Variants in HS6ST3 observed in about 807,000 individuals in gnomAD.
HS6ST3 encodes heparan-sulfate 6-O-sulfotransferase 3.
HS6ST3 carries 12 observed loss-of-function variants against 36.7 expected under a neutral mutation model. That is an observed-to-expected ratio of 0.33 (90% CI 0.21 to 0.53). The LOEUF is 0.53. HS6ST3 is among the 20% of genes least tolerant of loss of function. The pLI is 0.95. For missense variants in HS6ST3, 584 were observed against 640.9 expected, an observed-to-expected ratio of 0.91 and a Z score of 0.96; for synonymous variants, 240 against 257.5, an observed-to-expected ratio of 0.93 and a Z score of 0.65.
chr13:96,754,458 C>T lies in HS6ST3; in HGVS notation c.708-78032C>T, dbSNP rs981871293. Among the ~76,000 whole-genome samples, 14 of 152,266 alleles carry T rather than the reference C, an allele frequency of 9.2e-5. No individual in the cohort carries two copies. In the East Asian group the frequency reaches 1.2e-3, roughly 13 times the overall value. Reference sequence around the variant, plus strand: ...TTCAGTGCCCTTGGAAGAGCTCACACGCTAATTATCCTTTCTTACACGGAC... The same window carrying T: ...TTCAGTGCCCTTGGAAGAGCTCACATGCTAATTATCCTTTCTTACACGGAC... On this transcript the variant is annotated intron_variant, in intron 1 of 1. Transcript: ENST00000376705.
chr13:96,299,326 T>C (rs963206136), intron 1 of HS6ST3, among the ~76,000 whole-genome samples: 5 of 152,214 alleles, frequency 3.3e-5, no homozygotes, highest in Non-Finnish European at 7.3e-5. Context: ...GCTTTGCACA[T>C]GGCGGAAGCT....
At chr13:96,562,558 A>G (rs926449143) in intron 1 of HS6ST3, among the ~76,000 whole-genome samples, 5 of 152,162 alleles carry the variant, frequency 3.3e-5, no homozygotes, top group African/African-American at 1.2e-4. Flanking sequence ...CATCAGAGAC[A>G]ATATTAATAA....
chr13:96,733,351 A>C (rs1876206533), intron 1 of HS6ST3, among the ~76,000 whole-genome samples: 1 of 152,208 alleles, frequency 6.6e-6, no homozygotes, highest in African/African-American at 2.4e-5. Context: ...AGAATGTTGA[A>C]GTTTGCCAAA....
intron 1 of HS6ST3, among the ~76,000 whole-genome samples, chr13:96,672,030 G>T (rs1336730484): frequency 6.6e-6 from 1 of 152,116 alleles, no homozygotes; most frequent in East Asian, 1.9e-4. Context: ...CTCCCTAACA[G>T]TAGCCACATT....
chr13:96,544,231 A>G (rs1307868325), intron 1 of HS6ST3, among the ~76,000 whole-genome samples: 1 of 152,190 alleles, frequency 6.6e-6, no homozygotes, highest in Admixed American at 6.5e-5. Flanking sequence ...TTGGGGACTA[A>G]CTCACTGACA....
chr13:96,494,420 A>C (rs922698067), intron 1 of HS6ST3, among the ~76,000 whole-genome samples: 2 of 150,980 alleles, frequency 1.3e-5, no homozygotes, highest in Non-Finnish European at 3.0e-5. Context: ...GAGGGATAGC[A>C]TTAGGAGATA....
intron 1 of HS6ST3, among the ~76,000 whole-genome samples, chr13:96,744,448 A>G (rs980827247): frequency 6.6e-6 from 1 of 152,108 alleles, no homozygotes; most frequent in African/African-American, 2.4e-5. Context: ...TATTCAGGAT[A>G]TCAAACAAAA....
At chr13:96,412,162 G>A (rs570883978) in intron 1 of HS6ST3, among the ~76,000 whole-genome samples, 3 of 152,082 alleles carry the variant, frequency 2.0e-5, no homozygotes, top group South Asian at 2.1e-4. Context: ...GCACCACCAC[G>A]CCCAGCTAAT....
At chr13:96,732,352 A>G (rs559192540) in intron 1 of HS6ST3, among the ~76,000 whole-genome samples, 14 of 152,272 alleles carry the variant, frequency 9.2e-5, no homozygotes, top group Non-Finnish European at 1.9e-4. Flanking sequence ...ATTTTTGTAT[A>G]TGGTGTGATA....
intron 1 of HS6ST3, among the ~76,000 whole-genome samples, chr13:96,128,073 T>C (rs1325215436): frequency 6.6e-6 from 1 of 152,212 alleles, no homozygotes; most frequent in Non-Finnish European, 1.5e-5. Flanking sequence ...TTGCTTCTGT[T>C]GTACACTTAT....
At chr13:96,592,810 G>T (rs2056387489) in intron 1 of HS6ST3, among the ~76,000 whole-genome samples, 1 of 151,766 alleles carries the variant, frequency 6.6e-6, no homozygotes, top group Admixed American at 6.6e-5. Context: ...TAGATATATT[G>T]GAGCTCCATT....
intron 1 of HS6ST3, among the ~76,000 whole-genome samples, chr13:96,114,078 A>G (rs1267249110): frequency 2.0e-5 from 3 of 152,114 alleles, no homozygotes; most frequent in African/African-American, 7.2e-5. Context: ...AAGAAACATA[A>G]TAAAATGAAA....
intron 1 of HS6ST3, among the ~76,000 whole-genome samples, chr13:96,764,987 T>C (rs1877062795): frequency 6.6e-6 from 1 of 152,156 alleles, no homozygotes; most frequent in African/African-American, 2.4e-5. Flanking sequence ...TGGAAGCCTA[T>C]TGAAATTGAA....
At chr13:96,383,498 G>A (rs2055352087) in intron 1 of HS6ST3, among the ~76,000 whole-genome samples, 1 of 152,140 alleles carries the variant, frequency 6.6e-6, no homozygotes, top group South Asian at 2.1e-4. Flanking sequence ...GACTCTAGGG[G>A]AGATTATGAG....
At chr13:96,239,982 G>A (rs2054552577) in intron 1 of HS6ST3, among the ~76,000 whole-genome samples, 1 of 152,092 alleles carries the variant, frequency 6.6e-6, no homozygotes, top group Non-Finnish European at 1.5e-5. Flanking sequence ...TGGAATCTTT[G>A]ATGCTTTTAT....
chr13:96,709,347 C>T (rs147317465), intron 1 of HS6ST3, among the ~76,000 whole-genome samples: 10 of 152,000 alleles, frequency 6.6e-5, no homozygotes, highest in Admixed American at 5.2e-4. Context: ...ACAAATACAA[C>T]ATGTAAACAC....
intron 1 of HS6ST3, among the ~76,000 whole-genome samples, chr13:96,111,326 C>T (rs1406337087): frequency 2.0e-5 from 3 of 152,142 alleles, no homozygotes; most frequent in Non-Finnish European, 4.4e-5. Context: ...TGCCTACTTC[C>T]AAAGACAATT....
At chr13:96,463,284 C>T (rs567223869) in intron 1 of HS6ST3, among the ~76,000 whole-genome samples, 53 of 152,072 alleles carry the variant, frequency 3.5e-4, no homozygotes, top group African/African-American at 1.2e-3. Context: ...ACTAGAACCA[C>T]GGAGTAAAAT....
chr13:96,522,743 A>T (rs2056098790), intron 1 of HS6ST3, among the ~76,000 whole-genome samples: 1 of 151,546 alleles, frequency 6.6e-6, no homozygotes, highest in African/African-American at 2.4e-5. Flanking sequence ...CTTTATGTTG[A>T]GCCTATGTGT....
Sources: allele counts gnomAD v4.1 joint callset (sites outside exome capture counted in the v4.1 genomes callset), GRCh38; gene constraint gnomAD v4.1.1; transcripts MANE v1.5; gene names NCBI Gene and HGNC (gene_info 2026-07-23, HGNC 2026-07-21).